The following NUBPL variants were observed in gnomAD, a reference collection of about 807,000 sequenced individuals.
The protein encoded by NUBPL is iron-sulfur cluster transfer protein NUBPL.
In NUBPL, 31 loss-of-function variants were observed where a neutral mutation model predicts 45.7. The observed-to-expected ratio is 0.68, with a 90% CI of 0.51 to 0.92. The LOEUF is 0.92. Among genes scored for constraint, NUBPL ranks in the 40% least tolerant of loss-of-function variants. The pLI is 0.00. For missense variants in NUBPL, 401 were observed against 398.7 expected (o/e 1.01, Z -0.05); for synonymous variants, 144 against 140.9 (o/e 1.02, Z -0.15).
At chr14:31,564,852 C>T (rs973420377) in intron 2 of NUBPL, among the ~76,000 whole-genome samples, 162 bp from the exon 3 acceptor site, 14 of 151,852 alleles carry the variant, frequency 9.2e-5, no homozygotes, top group Admixed American at 5.2e-4. Flanking sequence ...TTGCTCTTTA[C>T]AAGTAAGGGA....
chr14:31,744,964 AAT>A (rs1301074935), intron 6 of NUBPL, among the ~76,000 whole-genome samples: 2 of 152,048 alleles, frequency 1.3e-5, no homozygotes, highest in South Asian at 2.1e-4. Flanking sequence ...ACACAGCTTA[AAT>A]ATCACTCTTT....
In NUBPL at chr14:31,714,643, A is replaced by G. The variant is rs11156699; in HGVS notation, c.513+41069A>G. 111,058 of 152,080 alleles carry G rather than the reference A, an allele frequency of 0.73. 47,069 individuals are homozygous for G. The highest frequency in any genetic ancestry group is 0.99 in the East Asian group (5,117 of 5,160). The allele number at this position is 152,080 out of a possible 1,614,324, so 9.4% of individuals were successfully genotyped here. ...ATCACCAAGAGGATGGTGCTGAGCC[A>G]TTCATGAGGGAACTGCTGGCGTGAT... On this transcript the variant is annotated intron_variant, in intron 6 of 10. Transcript: ENST00000281081.
chr14:31,694,390 A>G (rs1426859130), intron 6 of NUBPL, among the ~76,000 whole-genome samples: 2 of 152,220 alleles, frequency 1.3e-5, no homozygotes, highest in Non-Finnish European at 2.9e-5. Context: ...TTAATCTAAC[A>G]GAAGTTCTTT....
chr14:31,600,764 C>A (rs1407345224), intron 4 of NUBPL, among the ~76,000 whole-genome samples: 3 of 151,264 alleles, frequency 2.0e-5, no homozygotes, highest in African/African-American at 7.3e-5. Context: ...TTAATTAGAT[C>A]CCATTTGTCA....
chr14:31,672,797 T>C (rs2036602457), intron 4 of NUBPL, among the ~76,000 whole-genome samples: 1 of 152,250 alleles, frequency 6.6e-6, no homozygotes, highest in Non-Finnish European at 1.5e-5. Flanking sequence ...AATACAATTA[T>C]GTCCCAACTA....
At chr14:31,843,688 C>T (rs968485340) in intron 8 of NUBPL, 1 of 152,176 alleles carries the variant, frequency 6.6e-6, no homozygotes, top group African/African-American at 2.4e-5. Context: ...GACATGTGCT[C>T]CCTACTTCTG....
intron 3 of NUBPL, among the ~76,000 whole-genome samples, chr14:31,573,790 T>C (rs896858722): frequency 2.2e-4 from 33 of 152,244 alleles, no homozygotes; most frequent in Admixed American, 2.6e-4. Context: ...TATGGTGCCT[T>C]GAGGAAAGGA....
chr14:31,735,067 C>A (rs557799579), intron 6 of NUBPL, among the ~76,000 whole-genome samples: 1 of 152,108 alleles, frequency 6.6e-6, no homozygotes, highest in South Asian at 2.1e-4. Flanking sequence ...TTAGTAGCAT[C>A]TTTGGCTTCT....
chr14:31,604,174 A>G (rs1487462473), intron 4 of NUBPL, among the ~76,000 whole-genome samples: 1 of 103,564 alleles, frequency 9.7e-6, no homozygotes, highest in Non-Finnish European at 2.3e-5. Context: ...AATCTTGGAA[A>G]GGCTGAAAAA....
At chr14:31,745,914 G>C (rs553189560) in intron 6 of NUBPL, among the ~76,000 whole-genome samples, 1 of 151,876 alleles carries the variant, frequency 6.6e-6, no homozygotes, top group Non-Finnish European at 1.5e-5. Flanking sequence ...GGTGTCTCAC[G>C]ACCCAGCCTC....
At chr14:31,830,596 G>C (rs2040173555) in intron 8 of NUBPL, among the ~76,000 whole-genome samples, 1 of 152,180 alleles carries the variant, frequency 6.6e-6, no homozygotes, top group Non-Finnish European at 1.5e-5. Flanking sequence ...GCCAGGAAAA[G>C]TTAATACTCC....
intron 6 of NUBPL, among the ~76,000 whole-genome samples, chr14:31,738,454 C>T (rs531703485): frequency 1.3e-5 from 2 of 152,284 alleles, no homozygotes; most frequent in East Asian, 3.9e-4. Context: ...AGTTCCTTTT[C>T]TTCCAGCTGT....
Position 31,620,864 on chromosome 14 carries a change from T to C in NUBPL, c.382+21485T>C, listed in dbSNP as rs1343735687. Among the ~76,000 whole-genome samples the C allele has an allele frequency of 2.6e-5, 4 of 152,216 alleles. 1 individual carries two copies. Among genetic ancestry groups the C allele is most frequent in the Admixed American group, 2.6e-4 (4 of 15,278 alleles). ...GCTGTTAGGCAGGGATGTTTAAGTC[T>C]GGTGAAGCTGCGCCCACAGCCGCAC... On this transcript the variant is annotated intron_variant, in intron 4 of 10. Transcript: ENST00000281081.
At chr14:31,817,553 C>G (rs1214489460) in intron 7 of NUBPL, among the ~76,000 whole-genome samples, 2 of 152,192 alleles carry the variant, frequency 1.3e-5, no homozygotes, top group South Asian at 2.1e-4. Flanking sequence ...AATTTTCAAC[C>G]CAGAATTTCA....
At chr14:31,828,224 C>G (rs543097068) in intron 8 of NUBPL, among the ~76,000 whole-genome samples, 6 of 152,292 alleles carry the variant, frequency 3.9e-5, no homozygotes, top group African/African-American at 1.2e-4. Context: ...CTAATTTGAG[C>G]AGTGTTACTT....
chr14:31,748,123 G>A (rs1262379180), intron 6 of NUBPL, among the ~76,000 whole-genome samples: 1 of 152,096 alleles, frequency 6.6e-6, no homozygotes, highest in Admixed American at 6.6e-5. Flanking sequence ...GTTCCTCTTG[G>A]TATTGATTTT....
intron 3 of NUBPL, chr14:31,578,025 G>C: frequency 1.6e-6 from 2 of 1,258,538 alleles, no homozygotes; most frequent in Non-Finnish European, 2.1e-6. Flanking sequence ...CTCAGTAAAT[G>C]GTAAGTGATT....
intron 6 of NUBPL, among the ~76,000 whole-genome samples, chr14:31,721,239 G>A (rs10142780): frequency 1 from 152,146 of 152,310 alleles, 75,992 homozygotes; most frequent in Middle Eastern, 1. Flanking sequence ...TCTAAATATT[G>A]GATATCTAAA....
intron 6 of NUBPL, among the ~76,000 whole-genome samples, chr14:31,728,365 T>C (rs749441317): frequency 1.3e-5 from 2 of 152,148 alleles, no homozygotes; most frequent in Non-Finnish European, 2.9e-5. Flanking sequence ...TTTCCCAAGA[T>C]GGTCTCCATC....
Sources: gnomAD v4.1 joint callset for allele counts (sites outside exome capture counted in the v4.1 genomes callset) on GRCh38, gnomAD v4.1.1 for gene constraint, MANE v1.5 for transcripts, NCBI Gene and HGNC (gene_info 2026-07-23, HGNC 2026-07-21) for gene names.